NRXN1: variants seen among roughly 807,000 people sequenced by gnomAD.
NRXN1 encodes the protein neurexin-1.
A neutral mutation model predicts 150.9 loss-of-function variants in NRXN1; 39 were observed. That is an observed-to-expected ratio of 0.26 (90% CI 0.20 to 0.34). The LOEUF (loss-of-function observed/expected upper bound fraction) is 0.34. NRXN1 is among the 10% of genes least tolerant of loss of function. The pLI is 1.00. For missense variants in NRXN1, 1,815 were observed against 1,949.9 expected (o/e 0.93, Z 1.30); for synonymous variants, 924 against 757.0 (o/e 1.22, Z -3.62).
chr2:50,585,444 G>A (rs1421807999), intron 8 of NRXN1, among the ~76,000 whole-genome samples: 1 of 152,076 alleles, frequency 6.6e-6, no homozygotes, highest in Non-Finnish European at 1.5e-5. Context: ...TTGGATATCT[G>A]TTGCTCAACA....
At chr2:50,202,492 T>A (rs562316900) in intron 18 of NRXN1, among the ~76,000 whole-genome samples, 12 of 151,482 alleles carry the variant, frequency 7.9e-5, no homozygotes, top group African/African-American at 2.9e-4. Context: ...GGCAACAGAG[T>A]GAGAATCCAT....
At chr2:50,791,377 C>T (rs1403456016) in intron 5 of NRXN1, among the ~76,000 whole-genome samples, 1 of 150,168 alleles carries the variant, frequency 6.7e-6, no homozygotes, top group Non-Finnish European at 1.5e-5. Context: ...CTTCTCCATA[C>T]AGGAGATATG....
chr2:50,905,038 C>T (rs1199083658), intron 5 of NRXN1, among the ~76,000 whole-genome samples: 7 of 152,016 alleles, frequency 4.6e-5, no homozygotes, highest in Non-Finnish European at 1.0e-4. Context: ...AGAACAAGAC[C>T]CAGGCCATGT....
intron 19 of NRXN1, among the ~76,000 whole-genome samples, chr2:50,086,097 C>T (rs1376749522): frequency 6.6e-6 from 1 of 151,992 alleles, no homozygotes; most frequent in Non-Finnish European, 1.5e-5. Context: ...GAAGTTCCTT[C>T]CCTCCTTCAA....
At chr2:50,865,209 T>C (rs1312626008) in intron 5 of NRXN1, among the ~76,000 whole-genome samples, 2 of 151,814 alleles carry the variant, frequency 1.3e-5, no homozygotes. Context: ...GCAAGAAATA[T>C]TCAGGTATTA....
At chr2:50,954,575 A>G (rs1691959150) in intron 2 of NRXN1, among the ~76,000 whole-genome samples, 1 of 152,194 alleles carries the variant, frequency 6.6e-6, no homozygotes. Context: ...AGAAACCTGA[A>G]TGGGTAGATA....
intron 5 of NRXN1, among the ~76,000 whole-genome samples, chr2:50,826,014 T>C (rs1670399201): frequency 1.3e-5 from 2 of 152,174 alleles, no homozygotes; most frequent in African/African-American, 2.4e-5. Context: ...TTACATCTGC[T>C]CTCATGGAAA....
At chr2:50,834,544 C>T (rs1671841581) in intron 5 of NRXN1, among the ~76,000 whole-genome samples, 1 of 152,064 alleles carries the variant, frequency 6.6e-6, no homozygotes, top group African/African-American at 2.4e-5. Context: ...TTTCATGTAT[C>T]ATAATGATTT....
chr2:50,053,440 A>G lies in NRXN1; in HGVS notation c.3959T>C (p.Ile1320Thr), dbSNP rs752382599. Residue 1320 changes from isoleucine to threonine, a missense_variant, in exon 21 of 23, where the codon ATA becomes ACA. Coordinates refer to ENST00000401669, the MANE Select transcript of NRXN1 (RefSeq NM_001330078.2). ...MAAENDANIAIVGNVRLVGEV... is the reference protein window; with the variant it reads ...MAAENDANIATVGNVRLVGEV... ...ACCAACCAGTCTCACATTTCCCACT[A>G]TGGCGATGTTGGCATCGTTTTCGGC... The G allele has an allele frequency of 1.9e-6, 3 of 1,613,870 alleles. No individual in the cohort carries two copies. The highest frequency in any genetic ancestry group is 4.5e-5 in the East Asian group (2 of 44,878).
intron 2 of NRXN1, among the ~76,000 whole-genome samples, chr2:50,959,795 T>C (rs1343424221): frequency 6.6e-6 from 1 of 152,028 alleles, no homozygotes; most frequent in Non-Finnish European, 1.5e-5. Flanking sequence ...CATCTATTGC[T>C]GATCTCAGTT....
intron 18 of NRXN1, among the ~76,000 whole-genome samples, chr2:50,191,267 T>C (rs921359788): frequency 6.6e-6 from 1 of 151,236 alleles, no homozygotes; most frequent in Non-Finnish European, 1.5e-5. Context: ...CTCTAACTCC[T>C]GACCTCAAAT....
intron 15 of NRXN1, among the ~76,000 whole-genome samples, chr2:50,495,378 GTGGTGTGTGTGTGTGTGT>G (rs2091520259): frequency 3.5e-4 from 3 of 8,578 alleles, no homozygotes; most frequent in African/African-American, 6.6e-4. Context: ...GTGTGTGTGT[GTGGTGTGTGTGTGTGTGT>G]GTGTGTGTGT....
intron 20 of NRXN1, among the ~76,000 whole-genome samples, 159 bp downstream of exon 20, chr2:50,054,796 G>C (rs1252124413): frequency 6.6e-6 from 1 of 151,984 alleles, no homozygotes; most frequent in Non-Finnish European, 1.5e-5. Flanking sequence ...ATTATACAAG[G>C]TATGCAAATA....
At chr2:50,741,623 G>T (rs773985371) in intron 5 of NRXN1, among the ~76,000 whole-genome samples, 1 of 152,112 alleles carries the variant, frequency 6.6e-6, no homozygotes, top group Non-Finnish European at 1.5e-5. Context: ...TGTGAGCTCA[G>T]GAGATTTCTC....
chr2:50,571,633 T>C (rs1240691315), intron 8 of NRXN1, among the ~76,000 whole-genome samples: 3 of 151,534 alleles, frequency 2.0e-5, no homozygotes, highest in African/African-American at 7.3e-5. Context: ...TTTTTTTTGG[T>C]TTGAAAAATT....
At chr2:50,807,169 A>G (rs1189725390) in intron 5 of NRXN1, among the ~76,000 whole-genome samples, 1 of 152,086 alleles carries the variant, frequency 6.6e-6, no homozygotes, top group Non-Finnish European at 1.5e-5. Flanking sequence ...TTCTTTATCT[A>G]TCTTTGTCTC....
chr2:50,041,167 A>C (rs1235352209), intron 21 of NRXN1, among the ~76,000 whole-genome samples: 1 of 152,182 alleles, frequency 6.6e-6, no homozygotes, highest in Non-Finnish European at 1.5e-5. Context: ...GTCTGTTGTG[A>C]GGAATTCATT....
chr2:50,312,793 T>A (rs541496664), intron 17 of NRXN1: 15 of 511,570 alleles, frequency 2.9e-5, no homozygotes, highest in African/African-American at 2.9e-4. Flanking sequence ...CAGCTAAAAA[T>A]AAACAAAAAC....
At chr2:50,924,186 A>G (rs1686512433) in intron 3 of NRXN1, among the ~76,000 whole-genome samples, 1 of 151,916 alleles carries the variant, frequency 6.6e-6, no homozygotes, top group East Asian at 1.9e-4. Context: ...CCTTTTAGAA[A>G]ATATATTAGG....
Sources: allele counts gnomAD v4.1 joint callset (sites outside exome capture counted in the v4.1 genomes callset), GRCh38; gene constraint gnomAD v4.1.1; transcripts MANE v1.5; gene names NCBI Gene and HGNC (gene_info 2026-07-23, HGNC 2026-07-21).